CARTPT: variants seen among roughly 807,000 people sequenced by gnomAD.
CARTPT encodes the protein CART prepropeptide.
CARTPT carries 6 observed loss-of-function variants against 12.2 expected under a neutral mutation model. That is an observed-to-expected ratio of 0.49 (90% CI 0.27 to 0.97). The LOEUF (loss-of-function observed/expected upper bound fraction) is 0.97, where lower values mean the gene tolerates loss of function less well. Ranked by LOEUF, CARTPT falls within the 50% of genes least tolerant of loss-of-function variation. CARTPT has a pLI of 0.12. For synonymous variants in CARTPT, 75 were observed against 64.1 expected, an observed-to-expected ratio of 1.17 and a Z score of -0.82; for missense variants, 135 against 142.0, an observed-to-expected ratio of 0.95 and a Z score of 0.25.
At chr5:71,720,361 T>G (rs978506243) in intron 2 of CARTPT, 147 bp from the exon 3 acceptor site, 14 of 732,406 alleles carry the variant, frequency 1.9e-5, no homozygotes, top group Non-Finnish European at 3.5e-5. Context: ...GCTCCCTGTT[T>G]CAGATCTGAC....
chr5:71,719,616 C>A, intron 1 of CARTPT, 164 bp downstream of exon 1: 2 of 877,594 alleles, frequency 2.3e-6, no homozygotes, highest in Non-Finnish European at 1.8e-6. Flanking sequence ...GTCTCGAGCT[C>A]ACGGGCTCCT....
chr5:71,720,231 G>T (rs931854207), intron 2 of CARTPT, among the ~76,000 whole-genome samples: 1 of 152,148 alleles, frequency 6.6e-6, no homozygotes, highest in Non-Finnish European at 1.5e-5. Flanking sequence ...GCCAGGAAAT[G>T]TGATGCTCCC....
In CARTPT at chr5:71,720,837, ATT is replaced by A. The variant is rs1158998724; in HGVS notation, c.*225_*226del. 9.3e-6 allele frequency: 5 copies of A among 537,066 alleles called. No individual in the cohort carries two copies. The highest frequency in any genetic ancestry group is 1.7e-5 in the Non-Finnish European group (5 of 298,512). The allele number at this position is 537,066 out of a possible 1,614,324, so 33.3% of individuals were successfully genotyped here. A position where few individuals can be genotyped will look rare whatever the true frequency, so the allele number is the denominator to read the frequency against. ...GTTGATACGTGTGTGAAGTATTCTTATTTTATTTGTCTGACAAACTCTTGTGT... is the reference window on the plus strand; with the variant it reads ...GTTGATACGTGTGTGAAGTATTCTTATTATTTGTCTGACAAACTCTTGTGT... On this transcript the variant is annotated 3_prime_UTR_variant, in exon 3 of 3. Coordinates refer to ENST00000296777, the MANE Select transcript of CARTPT (RefSeq NM_004291.4).
At chr5:71,719,656 G>C (rs1748666228) in intron 1 of CARTPT, 4 of 758,394 alleles carry the variant, frequency 5.3e-6, no homozygotes, top group Non-Finnish European at 8.8e-6. Context: ...CCCTCATCCC[G>C]GCCCCTCTGA....
At chr5:71,720,296 C>T (rs1026322108) in intron 2 of CARTPT, among the ~76,000 whole-genome samples, 3 of 152,160 alleles carry the variant, frequency 2.0e-5, no homozygotes, top group African/African-American at 7.2e-5. Flanking sequence ...TAGGATAAAA[C>T]TAATAATGTA....
In CARTPT at chr5:71,720,681, C is replaced by T. The variant is rs1471939078; in HGVS notation, c.*66C>T. 7.7e-7 allele frequency: 1 copy of T among 1,305,758 alleles called. No homozygotes were observed. Among genetic ancestry groups the T allele is most frequent in the Non-Finnish European group, 1.1e-6 (1 of 919,578 alleles). 80.9% of individuals were successfully genotyped at this position (1,305,758 alleles called of 1,614,324 possible). A position where few individuals can be genotyped will look rare whatever the true frequency, so the allele number is the denominator to read the frequency against. On this transcript the variant is annotated 3_prime_UTR_variant, in exon 3 of 3. Coordinates refer to ENST00000296777, the MANE Select transcript of CARTPT (RefSeq NM_004291.4). ...TTTCCCCAGAGGACCACACCTTCCT[C>T]CCTGGAGTTTGGCTTAAGCAACAGA...
intron 2 of CARTPT, 55 bp from the exon 3 acceptor site, chr5:71,720,453 C>T: frequency 6.7e-7 from 1 of 1,502,330 alleles, no homozygotes; most frequent in Admixed American, 1.9e-5. Context: ...TGAGACTTGC[C>T]TGTTGGGAAC....
At chr5:71,719,692 G>A in intron 1 of CARTPT, 188 bp from the exon 2 acceptor site, 2 of 751,400 alleles carry the variant, frequency 2.7e-6, no homozygotes, top group Non-Finnish European at 4.5e-6. Flanking sequence ...GCGGCTCAGA[G>A]ACCCGCGGTC....
intron 2 of CARTPT, 98 bp from the exon 3 acceptor site, chr5:71,720,410 G>A: frequency 3.0e-6 from 3 of 1,000,534 alleles, no homozygotes; most frequent in Non-Finnish European, 4.7e-6. Context: ...GGGTCCAATT[G>A]CCCCTTTCAA....
Position 71,720,510 on chromosome 5 carries a change from T to C in CARTPT, c.246T>C (p.Cys82=). ...GACCACACATTTTGTTGTTTCAGTG[T>C]GACGCCGGTGAGCAGTGTGCAGTGA... ...YEKKYGQVPM[C]DAGEQCAVRK... is the part of the protein sequence containing the mutation. The change falls in exon 3 of 3, where the codon TGT becomes TGC. Residue 82 remains cysteine, a splice_region_variant and synonymous_variant. Transcript: ENST00000296777. 6.2e-7 allele frequency: 1 copy of C among 1,611,422 alleles called. No homozygotes were observed. Among genetic ancestry groups the C allele is most frequent in the Non-Finnish European group, 8.5e-7 (1 of 1,179,076 alleles).
Position 71,720,768 on chromosome 5 carries a change from A to G in CARTPT, c.*153A>G. 2.9e-6 allele frequency: 2 copies of G among 693,922 alleles called. No individual in the cohort carries two copies. The highest frequency in any genetic ancestry group is 5.2e-6 in the Non-Finnish European group (2 of 381,988). The allele number at this position is 693,922 out of a possible 1,614,324, so 43.0% of individuals were successfully genotyped here. On this transcript the variant is annotated 3_prime_UTR_variant, in exon 3 of 3. Coordinates refer to ENST00000296777, the MANE Select transcript of CARTPT (RefSeq NM_004291.4). ...TTTCCTGCTGTTTCAAAAATAAAAG[A>G]ACACATTAGATGTTACTGTGTGAAG... is the stretch of plus-strand genomic sequence containing the variant.
At position 71,719,917 on chromosome 5, in the gene CARTPT, G is replaced by C. The variant is rs78242624; in HGVS notation, c.197G>C (p.Ser66Thr). The change falls in exon 2 of 3, where the codon AGT becomes ACT. Residue 66 changes from serine (S) to threonine (T), a missense_variant. Coordinates refer to ENST00000296777, the MANE Select transcript of CARTPT (RefSeq NM_004291.4). The part of the protein sequence containing the change: ...ALQEVLKKLK[S>T]KRVPIYEKKY... The stretch of plus-strand genomic sequence containing the variant: ...CAAGAAGTCTTGAAGAAGCTCAAGA[G>C]TAAACGTGTTCCCATCTATGAGAAG... 2,515 of 1,614,236 alleles carry C rather than the reference G, an allele frequency of 1.6e-3. 6 individuals are homozygous for C. The highest frequency in any genetic ancestry group is 1.8e-3 in the Non-Finnish European group (2,127 of 1,180,040).
In CARTPT at chr5:71,719,313, GGCTGCTGCCCCTCCTGGGCGCCGCCCT is replaced by G. The variant is rs776002245; in HGVS notation, c.28_54del (p.Pro10_Leu18del). The stretch of plus-strand genomic sequence containing the variant: ...AGAACGATGGAGAGCTCCCGCGTGA[GGCTGCTGCCCCTCCTGGGCGCCGCCCT>G]GCTGCTGATGCTACCTCTGTTGGGT... On this transcript the variant is annotated inframe_deletion, in exon 1 of 3. Coordinates refer to ENST00000296777, the MANE Select transcript of CARTPT (RefSeq NM_004291.4). 2 of 1,613,020 alleles carry G rather than the reference GGCTGCTGCCCCTCCTGGGCGCCGCCCT, an allele frequency of 1.2e-6. No homozygotes were observed. The highest frequency in any genetic ancestry group is 2.2e-5 in the South Asian group (2 of 91,078).
Position 71,719,599 on chromosome 5 carries a change from G to A in CARTPT, c.159+147G>A, listed in dbSNP as rs1191990379. ...AACGCCCAGGCACCCACTGCCATCC[G>A]AAGAGCGTCTCGAGCTCACGGGCTC... On this transcript the variant is annotated intron_variant, in intron 1 of 2. Coordinates refer to ENST00000296777, the MANE Select transcript of CARTPT (RefSeq NM_004291.4). 16 of 974,846 alleles carry A rather than the reference G, an allele frequency of 1.6e-5. No homozygotes were observed. In the East Asian group the frequency reaches 3.6e-4, roughly 22 times the overall value. The allele number at this position is 974,846 out of a possible 1,614,324, so 60.4% of individuals were successfully genotyped here. A position where few individuals can be genotyped will look rare whatever the true frequency, so the allele number is the denominator to read the frequency against.
rs561198731 is a variant in CARTPT at position 71,719,869 on chromosome 5, G to C, written c.160-11G>C. The C allele has an allele frequency of 1.2e-6, 2 of 1,614,018 alleles. No individual in the cohort carries two copies. Among genetic ancestry groups the C allele is most frequent in the Admixed American group, 3.3e-5 (2 of 60,030 alleles). On this transcript the variant is annotated splice_polypyrimidine_tract_variant and intron_variant, in intron 1 of 2. Coordinates refer to ENST00000296777, the MANE Select transcript of CARTPT (RefSeq NM_004291.4). Reference sequence around the variant, plus strand: ...GGCGGCAACTTCAGGCTCCGAAGCGGTGTGTTGCAGATCGAAGCGCTGCAA... The same window carrying C: ...GGCGGCAACTTCAGGCTCCGAAGCGCTGTGTTGCAGATCGAAGCGCTGCAA...
rs770217998 is a variant in CARTPT at position 71,720,504 on chromosome 5, T to A, written c.244-4T>A. ...CTCGATGACCACACATTTTGTTGTT[T>A]CAGTGTGACGCCGGTGAGCAGTGTG... On this transcript the variant is annotated splice_region_variant and splice_polypyrimidine_tract_variant and intron_variant, in intron 2 of 2. Coordinates refer to ENST00000296777, the MANE Select transcript of CARTPT (RefSeq NM_004291.4). The A allele has an allele frequency of 6.2e-7, 1 of 1,610,202 alleles. No homozygotes were observed. Among genetic ancestry groups the A allele is most frequent in the South Asian group, 1.1e-5 (1 of 89,902 alleles).
Sources: allele counts gnomAD v4.1 joint callset (sites outside exome capture counted in the v4.1 genomes callset), GRCh38; gene constraint gnomAD v4.1.1; transcripts MANE v1.5; gene names NCBI Gene and HGNC (gene_info 2026-07-23, HGNC 2026-07-21).